The following CHD8 variants were observed in gnomAD, a reference collection of about 807,000 sequenced individuals.
The protein encoded by CHD8 is ATP-dependent chromatin remodeler CHD8.
A neutral mutation model predicts 279.2 loss-of-function variants in CHD8; 31 were observed. The ratio of observed to expected loss-of-function variants is 0.11; its 90% CI spans 0.08 to 0.15. The LOEUF is 0.15. CHD8 is among the 10% of genes least tolerant of loss of function. The pLI is 1.00. For synonymous variants in CHD8, 1,081 were observed against 1,139.6 expected, an observed-to-expected ratio of 0.95 and a Z score of 1.04; for missense variants, 2,146 against 3,230.5, an observed-to-expected ratio of 0.66 and a Z score of 8.14.
intron 5 of CHD8, among the ~76,000 whole-genome samples, chr14:21,424,504 T>C (rs1010794045): frequency 1.3e-5 from 2 of 152,192 alleles, no homozygotes; most frequent in Non-Finnish European, 2.9e-5. Flanking sequence ...GGAGTTTCAC[T>C]CTGTCACCCA....
chr14:21,385,404 G>A lies in CHD8; in HGVS notation c.*209C>T. Reference sequence around the variant, plus strand: ...TTCCTTCCCCAGAAATGAGGAAGTGGTCATGTATTATTTTAGGAGTTCCCC... The same window carrying A: ...TTCCTTCCCCAGAAATGAGGAAGTGATCATGTATTATTTTAGGAGTTCCCC... On this transcript the variant is annotated 3_prime_UTR_variant, in exon 38 of 38. Coordinates refer to ENST00000646647, the MANE Select transcript of CHD8 (RefSeq NM_001170629.2). 2 of 734,466 alleles carry A rather than the reference G, an allele frequency of 2.7e-6. No individual in the cohort carries two copies. The highest frequency in any genetic ancestry group is 5.7e-5 in the East Asian group (2 of 35,356). The allele number at this position is 734,466 out of a possible 1,614,324, so 45.5% of individuals were successfully genotyped here.
At position 21,408,677 on chromosome 14, in the gene CHD8, C is replaced by T; in HGVS notation, c.2486+27G>A. 2 of 1,601,634 alleles carry T rather than the reference C, an allele frequency of 1.2e-6. No homozygotes were observed. Among genetic ancestry groups the T allele is most frequent in the Non-Finnish European group, 1.7e-6 (2 of 1,174,426 alleles). On this transcript the variant is annotated intron_variant, in intron 12 of 37. Coordinates refer to ENST00000646647, the MANE Select transcript of CHD8 (RefSeq NM_001170629.2). This position sits in a 1 kb window ranked among gnomAD's most constrained non-coding sequence, Gnocchi z 4.3. The stretch of plus-strand genomic sequence containing the variant: ...AAAAATAATCCCAGAACTAAGCTTA[C>T]ATCTTATGGCCCATTCTTTCCTTTA...
At chr14:21,415,677 T>C in intron 6 of CHD8, 35 bp from the exon 7 acceptor site, 1 of 1,612,730 alleles carries the variant, frequency 6.2e-7, no homozygotes, top group Non-Finnish European at 8.5e-7. Context: ...AACAGATGAT[T>C]GTGACCAGCA....
chr14:21,407,181 A>T, intron 13 of CHD8, 149 bp from the exon 14 acceptor site: 2 of 628,150 alleles, frequency 3.2e-6, no homozygotes. Context: ...CTTCCTGAAA[A>T]ATAGTGCCAT....
At chr14:21,447,713 T>A (rs1020513203) in intron 1 of CHD8, among the ~76,000 whole-genome samples, 2 of 151,978 alleles carry the variant, frequency 1.3e-5, no homozygotes, top group African/African-American at 4.8e-5. Context: ...AGAGCATGGA[T>A]TCTTTTTTTT....
intron 1 of CHD8, among the ~76,000 whole-genome samples, chr14:21,443,969 G>A (rs968900492): frequency 6.6e-6 from 1 of 151,754 alleles, no homozygotes. Context: ...ATCTGTCCAT[G>A]TGAGTTTTCA....
chr14:21,445,050 G>A (rs1766870498), intron 1 of CHD8, among the ~76,000 whole-genome samples: 1 of 152,048 alleles, frequency 6.6e-6, no homozygotes, highest in African/African-American at 2.4e-5. Context: ...GATAGTCATG[G>A]TTGCACAGAC....
intron 4 of CHD8, 134 bp from the exon 5 acceptor site, chr14:21,426,376 C>T (rs1383052887): frequency 5.0e-6 from 3 of 600,146 alleles, no homozygotes; most frequent in Non-Finnish European, 8.8e-6. Context: ...ATAGGACACA[C>T]AGCTACTAAA....
Position 21,392,665 on chromosome 14 carries a change from G to A in CHD8, c.6613C>T (p.Pro2205Ser). Reference sequence around the variant, plus strand: ...ACTGGAGAGTCACCATATTCTCCAGGAGTCAATGAGGGACTGTCTAGCAAG... The same window carrying A: ...ACTGGAGAGTCACCATATTCTCCAGAAGTCAATGAGGGACTGTCTAGCAAG... ...NHLLDSPSLT[P>S]GEYGDSPVPT... Residue 2205 changes from proline (P) to serine (S), a missense_variant, in exon 34 of 38, where the codon CCT becomes TCT. Around this residue, in one of 26 missense-constraint regions of CHD8, gnomAD observed 513 missense variants for 637.6 expected, o/e 0.80. Transcript: ENST00000646647. 1.2e-6 allele frequency: 2 copies of A among 1,613,988 alleles called. No homozygotes were observed. Among genetic ancestry groups the A allele is most frequent in the Non-Finnish European group, 1.7e-6 (2 of 1,179,884 alleles).
At position 21,414,305 on chromosome 14, in the gene CHD8, TG is replaced by T; in HGVS notation, c.2137del (p.His713MetfsTer12). The T allele has an allele frequency of 6.9e-7, 1 of 1,456,312 alleles. No homozygotes were observed. The highest frequency in any genetic ancestry group is 1.2e-5 in the South Asian group (1 of 82,882). The allele number at this position is 1,456,312 out of a possible 1,614,324, so 90.2% of individuals were successfully genotyped here. A position where few individuals can be genotyped will look rare whatever the true frequency, so the allele number is the denominator to read the frequency against. On this transcript the variant is annotated frameshift_variant, in exon 9 of 38. Coordinates refer to ENST00000646647, the MANE Select transcript of CHD8 (RefSeq NM_001170629.2). LOFTEE classifies it high-confidence loss of function. ...GCAATACCTATTCCTAATTACCTCA[TG>T]GAAGAAGTGTCTCATCTGAGCCATT... ...TKMAQMRHFFHEDEEPFNPDY... is the reference protein window; with the variant it reads ...TKMAQMRHFFXEDEEPFNPDY...
Position 21,403,639 on chromosome 14 carries a change from T to C in CHD8, c.3332A>G (p.Glu1111Gly). 1 of 1,596,704 alleles carries C rather than the reference T, an allele frequency of 6.3e-7. No individual in the cohort carries two copies. Among genetic ancestry groups the C allele is most frequent in the Non-Finnish European group, 8.5e-7 (1 of 1,170,930 alleles). ...TATAATATGGCAAGCTTCACGGAATTCTGTTAGGATTTTTTCTTCAGCACC... is the reference window on the plus strand; with the variant it reads ...TATAATATGGCAAGCTTCACGGAATCCTGTTAGGATTTTTTCTTCAGCACC... ...INGAEEKILT[E>G]FREACHIIPH... is the part of the protein sequence containing the mutation. The change falls in exon 17 of 38, where the codon GAA (glutamate) becomes GGA (glycine). Residue 1111 changes from glutamate to glycine, a missense_variant. Transcript: ENST00000646647. This position sits in a 1 kb window ranked among gnomAD's most constrained non-coding sequence, Gnocchi z 4.3.
At chr14:21,448,617 C>T (rs1187543717) in intron 1 of CHD8, among the ~76,000 whole-genome samples, 1 of 151,960 alleles carries the variant, frequency 6.6e-6, no homozygotes, top group East Asian at 1.9e-4. Flanking sequence ...AGTGCAGTGG[C>T]TCAATCTCAG....
rs1566420954 is a variant in CHD8 at position 21,400,901 on chromosome 14, C to T, written c.4344G>A (p.Arg1448=). 2.5e-6 allele frequency: 4 copies of T among 1,612,236 alleles called. No homozygotes were observed. The East Asian group carries it at 8.9e-5, about 36-fold the overall frequency. ...CATATACCAGGAGATGCTTTTCCACCCGAAAGCAGTCAGTGCGCCCATAGG... is the reference window on the plus strand; with the variant it reads ...CATATACCAGGAGATGCTTTTCCACTCGAAAGCAGTCAGTGCGCCCATAGG... ...HHAYGRTDCF[R]VEKHLLVYGW... Residue 1448 remains arginine (R), a synonymous_variant, in exon 22 of 38, where the codon CGG becomes CGA. Coordinates refer to ENST00000646647, the MANE Select transcript of CHD8 (RefSeq NM_001170629.2). The surrounding 1 kb of genome is among the most constrained non-coding windows in gnomAD (Gnocchi z 4.2).
At chr14:21,431,943 A>G in intron 1 of CHD8, 85 bp from the exon 2 acceptor site, 1 of 796,902 alleles carries the variant, frequency 1.3e-6, no homozygotes, top group Non-Finnish European at 2.2e-6. Context: ...TACTGTTCTT[A>G]ATATCAAATA....
In CHD8 at chr14:21,427,858, G is replaced by A. The variant is rs1270011746; in HGVS notation, c.1601+11C>T. 6.2e-7 allele frequency: 1 copy of A among 1,612,596 alleles called. No individual in the cohort carries two copies. The highest frequency in any genetic ancestry group is 8.5e-7 in the Non-Finnish European group (1 of 1,179,292). ...CTTGCACGTCCCATCACAGTAGCAA[G>A]GAGTACTCACTTGAGCTTGCTCTTG... On this transcript the variant is annotated intron_variant, in intron 4 of 37. Transcript: ENST00000646647.
chr14:21,428,197 T>C lies in CHD8; in HGVS notation c.1273A>G (p.Ser425Gly), dbSNP rs1889410097. The change falls in exon 4 of 38, where the codon AGT (serine) becomes GGT (glycine). Residue 425 changes from serine (S) to glycine (G), a missense_variant. By Grantham distance (56) the Ser-to-Gly change is moderately conservative (BLOSUM62 0). Around this residue, in one of 26 missense-constraint regions of CHD8, gnomAD observed 170 missense variants for 189.9 expected, o/e 0.90. Coordinates refer to ENST00000646647, the MANE Select transcript of CHD8 (RefSeq NM_001170629.2). ...GLSVVKVLSASEVAALSSPAS... is the reference protein window; with the variant it reads ...GLSVVKVLSAGEVAALSSPAS... ...GGTGATGACAAAGCTGCCACTTCAC[T>C]GGCACTCAGAACTTTAACTACAGAG... 5 of 1,614,044 alleles carry C rather than the reference T, an allele frequency of 3.1e-6. No individual in the cohort carries two copies. In the East Asian group the frequency reaches 8.9e-5, roughly 29 times the overall value.
intron 9 of CHD8, 67 bp from the exon 10 acceptor site, chr14:21,413,063 C>T (rs1277144891): frequency 6.5e-6 from 6 of 916,754 alleles, no homozygotes; most frequent in African/African-American, 1.6e-5. Flanking sequence ...ACTCCTCTAC[C>T]TCACCTTTAG....
intron 1 of CHD8, among the ~76,000 whole-genome samples, chr14:21,433,920 T>C (rs1476643449): frequency 1.3e-5 from 2 of 152,166 alleles, no homozygotes; most frequent in Non-Finnish European, 2.9e-5. Context: ...TCCTTCCCAT[T>C]ATCATCAGCT....
chr14:21,454,089 C>T (rs1193569146), intron 1 of CHD8, among the ~76,000 whole-genome samples: 1 of 150,514 alleles, frequency 6.6e-6, no homozygotes, highest in Non-Finnish European at 1.5e-5. Flanking sequence ...ACCTGGGAGG[C>T]GGAGGTTGCA....
Sources: allele counts gnomAD v4.1 joint callset (sites outside exome capture counted in the v4.1 genomes callset), GRCh38; gene constraint gnomAD v4.1.1; regional missense constraint gnomAD v4.1.1; non-coding constraint Gnocchi (gnomAD v3.1); transcripts MANE v1.5; gene names NCBI Gene and HGNC (gene_info 2026-07-23, HGNC 2026-07-21).